PTPRK: variants seen among roughly 807,000 people sequenced by gnomAD.
PTPRK encodes the protein protein tyrosine phosphatase receptor type K.
A neutral mutation model predicts 178.0 loss-of-function variants in PTPRK; 75 were observed. The ratio of observed to expected loss-of-function variants is 0.42; its 90% CI spans 0.35 to 0.51. PTPRK has a LOEUF of 0.51. PTPRK is among the 20% of genes least tolerant of loss of function. The pLI is 0.02. For synonymous variants in PTPRK, 637 were observed against 620.6 expected (o/e 1.03, Z -0.39); for missense variants, 1,441 against 1,797.8 (o/e 0.80, Z 3.59).
rs1395448859 is a variant in PTPRK at position 127,990,788 on chromosome 6, C to T, written c.3077G>A (p.Arg1026Lys). Residue 1026 changes from arginine to lysine, a missense_variant, in exon 21 of 30, where the codon AGG becomes AAG. Transcript: ENST00000368226. ...ACTTACCCTTTCCAGGGTGAATGTC[C>T]TAACTACATATTCAGCAAGTGGTTC... ...EMEPLAEYVV[R>K]TFTLERRGYN... The T allele has an allele frequency of 6.2e-7, 1 of 1,605,806 alleles. No homozygotes were observed. The highest frequency in any genetic ancestry group is 1.7e-5 in the Admixed American group (1 of 59,834).
intron 2 of PTPRK, among the ~76,000 whole-genome samples, chr6:128,337,904 G>C (rs1203075814): frequency 6.6e-6 from 1 of 152,134 alleles, no homozygotes; most frequent in Non-Finnish European, 1.5e-5. Flanking sequence ...TAAACCACTT[G>C]TGCAAAGGAC....
intron 7 of PTPRK, among the ~76,000 whole-genome samples, chr6:128,165,448 C>T (rs1799264068): frequency 6.6e-6 from 1 of 151,084 alleles, no homozygotes. Context: ...TTTTTCTTTA[C>T]TTTTTATATT....
At position 128,322,316 on chromosome 6, in the gene PTPRK, AT is replaced by A. The variant is rs1368133897; in HGVS notation, c.224-7del. ...GTCCACTATCATATAGGAACCTGAAATGACATTACAAATAATAATGCTAAAG... is the reference window on the plus strand; with the variant it reads ...GTCCACTATCATATAGGAACCTGAAAGACATTACAAATAATAATGCTAAAG... On this transcript the variant is annotated splice_polypyrimidine_tract_variant and splice_region_variant and intron_variant, in intron 2 of 29. Coordinates refer to ENST00000368226, the MANE Select transcript of PTPRK (RefSeq NM_002844.4). The A allele has an allele frequency of 6.4e-7, 1 of 1,554,076 alleles. No homozygotes were observed. Among genetic ancestry groups the A allele is most frequent in the African/African-American group, 1.4e-5 (1 of 73,192 alleles).
intron 1 of PTPRK, among the ~76,000 whole-genome samples, chr6:128,398,448 C>G (rs1840625544): frequency 6.6e-6 from 1 of 152,126 alleles, no homozygotes; most frequent in South Asian, 2.1e-4. Context: ...TGCCTCCGGA[C>G]CCTATTCTCC....
At chr6:128,422,532 T>G (rs1290766562) in intron 1 of PTPRK, among the ~76,000 whole-genome samples, 1 of 152,096 alleles carries the variant, frequency 6.6e-6, no homozygotes, top group Admixed American at 6.5e-5. Flanking sequence ...CCATGTACTT[T>G]CCAATATATT....
At chr6:128,327,843 G>T (rs1189987735) in intron 2 of PTPRK, among the ~76,000 whole-genome samples, 1 of 151,882 alleles carries the variant, frequency 6.6e-6, no homozygotes, top group African/African-American at 2.4e-5. Context: ...ATATAGACAG[G>T]GGAGGTTGCT....
At chr6:128,155,575 A>C (rs1223721459) in intron 7 of PTPRK, among the ~76,000 whole-genome samples, 1 of 151,560 alleles carries the variant, frequency 6.6e-6, no homozygotes, top group Non-Finnish European at 1.5e-5. Context: ...TGTAAAAGTA[A>C]CTGCAGGTTT....
intron 7 of PTPRK, among the ~76,000 whole-genome samples, chr6:128,148,386 T>C (rs771430703): frequency 6.6e-6 from 1 of 152,158 alleles, no homozygotes; most frequent in Non-Finnish European, 1.5e-5. Context: ...TAAAATGCTA[T>C]GCAAAGCATT....
intron 18 of PTPRK, chr6:127,995,113 C>T: frequency 1.2e-6 from 1 of 818,534 alleles, no homozygotes; most frequent in East Asian, 2.8e-5. Flanking sequence ...AAAAAACGAA[C>T]AGAGATATAT....
rs72975926 is a variant in PTPRK at position 127,979,090 on chromosome 6, G to A, written c.3711+2026C>T. The stretch of plus-strand genomic sequence containing the variant: ...AAAAAAGACAAGCTTGGACAAGAAA[G>A]CAAGACCCCATCTTTACAAAAAATA... On this transcript the variant is annotated intron_variant, in intron 25 of 29. Transcript: ENST00000368226. 3.9e-3 allele frequency among the ~76,000 whole-genome samples: 596 copies of A among 152,032 alleles called. 5 individuals are homozygous for A. The highest frequency in any genetic ancestry group is 0.02 in the Middle Eastern group (6 of 294).
intron 3 of PTPRK, among the ~76,000 whole-genome samples, chr6:128,250,888 T>C (rs536146908): frequency 1.4e-3 from 206 of 152,350 alleles, no homozygotes; most frequent in Non-Finnish European, 2.0e-3. Context: ...GCAGTTACTG[T>C]CACTCACTGT....
intron 7 of PTPRK, among the ~76,000 whole-genome samples, chr6:128,118,808 G>T (rs1052056147): frequency 1.1e-4 from 16 of 152,264 alleles, no homozygotes; most frequent in African/African-American, 3.9e-4. Context: ...TTTAATCTGA[G>T]AAGAAAATTT....
chr6:128,065,207 C>T (rs1280523952), intron 12 of PTPRK, among the ~76,000 whole-genome samples: 2 of 152,116 alleles, frequency 1.3e-5, no homozygotes, highest in East Asian at 1.9e-4. Flanking sequence ...TACATACTTT[C>T]ATCTGGATCC....
chr6:128,321,445 A>C (rs192798587), intron 3 of PTPRK: 405 of 235,166 alleles, frequency 1.7e-3, no homozygotes, highest in African/African-American at 8.8e-3. Context: ...AATTCAATGA[A>C]TCATTTCTGA....
rs955451189 is a variant in PTPRK, at chr6:128,032,150, C to T, written c.2195-22882G>A. 3.3e-5 allele frequency among the ~76,000 whole-genome samples: 5 copies of T among 152,304 alleles called. No homozygotes were observed. In the East Asian group the frequency reaches 5.8e-4, roughly 18 times the overall value. On this transcript the variant is annotated intron_variant, in intron 13 of 29. Coordinates refer to ENST00000368226, the MANE Select transcript of PTPRK (RefSeq NM_002844.4). Reference sequence around the variant, plus strand: ...CTCTAATGTCCAGCTTCTTGTACAACGCAGACTCCTGAGGCATCCTCGGGC... The same window carrying T: ...CTCTAATGTCCAGCTTCTTGTACAATGCAGACTCCTGAGGCATCCTCGGGC...
intron 2 of PTPRK, among the ~76,000 whole-genome samples, chr6:128,366,844 T>C (rs1835565889): frequency 6.6e-6 from 1 of 152,174 alleles, no homozygotes; most frequent in Admixed American, 6.6e-5. Flanking sequence ...TTAATGAGCA[T>C]GCAAGTCAGA....
At chr6:128,355,850 C>T (rs1470531845) in intron 2 of PTPRK, among the ~76,000 whole-genome samples, 1 of 152,054 alleles carries the variant, frequency 6.6e-6, no homozygotes, top group Admixed American at 6.6e-5. Flanking sequence ...TACCAAAGTT[C>T]CCAATTTTTC....
chr6:128,366,594 A>T (rs1011070578), intron 2 of PTPRK, among the ~76,000 whole-genome samples: 2 of 152,152 alleles, frequency 1.3e-5, no homozygotes, highest in Admixed American at 6.6e-5. Flanking sequence ...TGAGTAAATA[A>T]ACTCTTAAGT....
At chr6:128,405,939 C>T (rs1249576613) in intron 1 of PTPRK, among the ~76,000 whole-genome samples, 1 of 151,914 alleles carries the variant, frequency 6.6e-6, no homozygotes, top group East Asian at 1.9e-4. Flanking sequence ...CTTTGAAATA[C>T]ACTTCAAGAA....
Sources: allele counts gnomAD v4.1 joint callset (sites outside exome capture counted in the v4.1 genomes callset), GRCh38; gene constraint gnomAD v4.1.1; transcripts MANE v1.5; gene names NCBI Gene and HGNC (gene_info 2026-07-23, HGNC 2026-07-21).